RNASEH2B: variants seen among roughly 807,000 people sequenced by gnomAD.
The protein encoded by RNASEH2B is Aicardi-Goutieres syndrome 2 protein.
Under a neutral mutation model 45.0 loss-of-function variants are expected in RNASEH2B, and 36 were observed. The observed-to-expected ratio is 0.80, with a 90% CI of 0.61 to 1.06. The LOEUF (loss-of-function observed/expected upper bound fraction) is 1.06, where lower values mean the gene tolerates loss of function less well. Among genes scored for constraint, RNASEH2B ranks in the 50% least tolerant of loss-of-function variants. The pLI, the probability that RNASEH2B is intolerant of heterozygous loss-of-function variation, is 0.00. For synonymous variants in RNASEH2B, 119 were observed against 125.7 expected, an observed-to-expected ratio of 0.95 and a Z score of 0.35; for missense variants, 361 against 360.3, an observed-to-expected ratio of 1.00 and a Z score of -0.02.
At chr13:50,948,263 C>T in intron 8 of RNASEH2B, 195 bp downstream of exon 8, 1 of 802,868 alleles carries the variant, frequency 1.2e-6, no homozygotes, top group Non-Finnish European at 1.8e-6. Flanking sequence ...ATACGGATTG[C>T]AGGAACTAGT....
At chr13:50,922,284 A>T (rs951254032) in intron 1 of RNASEH2B, among the ~76,000 whole-genome samples, 1 of 152,254 alleles carries the variant, frequency 6.6e-6, no homozygotes, top group Non-Finnish European at 1.5e-5. Flanking sequence ...AGAGGCTTTT[A>T]AAAAACTCTT....
chr13:50,909,990 C>A lies in RNASEH2B; in HGVS notation c.-87C>A. The A allele has an allele frequency of 8.2e-7, 1 of 1,220,310 alleles. No homozygotes were observed. The highest frequency in any genetic ancestry group is 1.1e-6 in the Non-Finnish European group (1 of 894,596). The allele number at this position is 1,220,310 out of a possible 1,614,324, so 75.6% of individuals were successfully genotyped here. A position where few individuals can be genotyped will look rare whatever the true frequency, so the allele number is the denominator to read the frequency against. On this transcript the variant is annotated 5_prime_UTR_variant, in exon 1 of 11. Coordinates refer to ENST00000336617, the MANE Select transcript of RNASEH2B (RefSeq NM_024570.4). ...CCTCAGCGCGCCGCGCCACCCGGAA[C>A]AGACCCTTCTCCCGCCATTTTCGGC...
At position 50,953,821 on chromosome 13, in the gene RNASEH2B, A is replaced by G. The variant is rs1434055719; in HGVS notation, c.742-84A>G. ...CCCATTCGCCTCTGTAGAGGTCTAA[A>G]TTATACATGTTGGGTTTTTTTTTAA... On this transcript the variant is annotated intron_variant, in intron 9 of 10. Transcript: ENST00000336617. The G allele has an allele frequency of 4.3e-6, 4 of 923,786 alleles. 1 individual carries two copies. Among genetic ancestry groups the G allele is most frequent in the Non-Finnish European group, 7.1e-6 (4 of 567,140 alleles). The allele number at this position is 923,786 out of a possible 1,614,324, so 57.2% of individuals were successfully genotyped here. A position where few individuals can be genotyped will look rare whatever the true frequency, so the allele number is the denominator to read the frequency against.
chr13:50,928,266 AG>A (rs1174949257), intron 2 of RNASEH2B: 1 of 152,216 alleles, frequency 6.6e-6, no homozygotes, highest in Non-Finnish European at 1.5e-5. Flanking sequence ...GAATAGTAAA[AG>A]TATGGGAGGG....
intron 1 of RNASEH2B, 56 bp downstream of exon 1, chr13:50,910,196 C>A: frequency 6.4e-6 from 8 of 1,251,364 alleles, no homozygotes; most frequent in Non-Finnish European, 8.3e-6. Context: ...GAGCGGCCCG[C>A]GACCCCGGGC....
At chr13:50,964,810 C>CT in intron 9 of RNASEH2B, among the ~76,000 whole-genome samples, 1 of 152,202 alleles carries the variant, frequency 6.6e-6, no homozygotes. Context: ...TGTTTCCACA[C>CT]TGGTGCCTTT....
Position 50,956,426 on chromosome 13 carries a change from TG to T in RNASEH2B, c.892del (p.Asp298IlefsTer6). 1.2e-6 allele frequency: 2 copies of T among 1,601,870 alleles called. No homozygotes were observed. The highest frequency in any genetic ancestry group is 1.7e-6 in the Non-Finnish European group (2 of 1,171,994). On this transcript the variant is annotated frameshift_variant, in exon 11 of 11. Coordinates refer to ENST00000336617, the MANE Select transcript of RNASEH2B (RefSeq NM_024570.4). LOFTEE classifies it high-confidence loss of function. ...KVDKSGMKSI[D>X]TFFGVKNKKK... is the part of the protein sequence containing the mutation. ...TTGACAAGAGTGGAATGAAAAGTAT[TG>T]ATACCTTTTTTGGGGTAAAAAATAA...
intron 9 of RNASEH2B, among the ~76,000 whole-genome samples, chr13:50,966,165 A>G (rs1261788642): frequency 1.3e-5 from 2 of 152,234 alleles, no homozygotes; most frequent in Non-Finnish European, 2.9e-5. Flanking sequence ...ATAGTTATAC[A>G]TAAAATGTTC....
At chr13:50,935,039 T>A in intron 5 of RNASEH2B, 40 bp downstream of exon 5, 1 of 1,330,780 alleles carries the variant, frequency 7.5e-7, no homozygotes, top group Non-Finnish European at 1.1e-6. Context: ...GTAGAAAGGA[T>A]GGACCTTGCC....
At chr13:50,914,837 T>G (rs1011884821) in intron 1 of RNASEH2B, among the ~76,000 whole-genome samples, 5 of 152,240 alleles carry the variant, frequency 3.3e-5, no homozygotes, top group African/African-American at 1.2e-4. Context: ...TGTTCATGAT[T>G]TTTTATTTGA....
downstream of RNASEH2B, among the ~76,000 whole-genome samples, chr13:50,957,758 A>G (rs1008947621): frequency 2.0e-5 from 3 of 152,214 alleles, no homozygotes; most frequent in African/African-American, 7.2e-5. Context: ...CAGCCCTGCC[A>G]ACATCATCTG....
At chr13:50,965,551 G>C (rs1952157218) in intron 9 of RNASEH2B, among the ~76,000 whole-genome samples, 1 of 152,200 alleles carries the variant, frequency 6.6e-6, no homozygotes, top group Admixed American at 6.5e-5. Context: ...CCCCAGACAG[G>C]TGTTCAGCAA....
At chr13:50,969,899 AG>A in intron 9 of RNASEH2B, 1 of 1,549,062 alleles carries the variant, frequency 6.5e-7, no homozygotes, top group Non-Finnish European at 8.7e-7. Context: ...TCTCCTCACC[AG>A]GACACACCAC....
chr13:50,953,632 C>T, intron 9 of RNASEH2B: 2 of 496,600 alleles, frequency 4.0e-6, no homozygotes, highest in South Asian at 4.9e-5. Context: ...ACCTACAAAG[C>T]CTGTGTTTGC....
At chr13:50,970,047 T>A (rs1404334376) in exon 10 of RNASEH2B, 2 of 1,400,852 alleles carry the variant, frequency 1.4e-6, no homozygotes, top group Non-Finnish European at 2.0e-6. Context: ...TCTTCTGCAC[T>A]TTTTTGGAAA....
chr13:50,942,859 G>T (rs893212648), intron 5 of RNASEH2B: 2 of 160,398 alleles, frequency 1.2e-5, no homozygotes, highest in East Asian at 3.7e-4. Flanking sequence ...AACTCAAAGT[G>T]GGGGTTTCCA....
At chr13:50,916,976 T>C (rs1337034004) in intron 1 of RNASEH2B, among the ~76,000 whole-genome samples, 1 of 152,202 alleles carries the variant, frequency 6.6e-6, no homozygotes, top group Non-Finnish European at 1.5e-5. Context: ...ACTAACTTCC[T>C]GCATTTAGTG....
At chr13:50,960,437 G>A (rs114721421), downstream of RNASEH2B, among the ~76,000 whole-genome samples, 1,851 of 152,142 alleles carry the variant, frequency 0.012, 32 homozygotes, top group African/African-American at 0.043. Flanking sequence ...TTATTGATGT[G>A]CTTTACCATT....
Position 50,909,959 on chromosome 13 carries a change from C to T in RNASEH2B, c.-118C>T. 2 of 815,592 alleles carry T rather than the reference C, an allele frequency of 2.5e-6. No individual in the cohort carries two copies. Among genetic ancestry groups the T allele is most frequent in the Non-Finnish European group, 3.6e-6 (2 of 554,206 alleles). 50.5% of individuals were successfully genotyped at this position (815,592 alleles called of 1,614,324 possible). On this transcript the variant is annotated 5_prime_UTR_variant, in exon 1 of 11. Transcript: ENST00000336617. Reference sequence around the variant, plus strand: ...TCCCTGGGCCTCCTCCCGGGCGCTGCCGGTCCCTCAGCGCGCCGCGCCACC... The same window carrying T: ...TCCCTGGGCCTCCTCCCGGGCGCTGTCGGTCCCTCAGCGCGCCGCGCCACC...
Sources: allele counts gnomAD v4.1 joint callset (sites outside exome capture counted in the v4.1 genomes callset), GRCh38; gene constraint gnomAD v4.1.1; transcripts MANE v1.5; gene names NCBI Gene and HGNC (gene_info 2026-07-23, HGNC 2026-07-21).